ABCD3: variants seen among roughly 807,000 people sequenced by gnomAD.
ABCD3 encodes the protein ATP binding cassette subfamily D member 3.
In ABCD3, 41 loss-of-function variants were observed where a neutral mutation model predicts 105.5. The observed-to-expected ratio is 0.39, with a 90% CI of 0.30 to 0.50. The LOEUF (loss-of-function observed/expected upper bound fraction) is 0.50. ABCD3 is among the 20% of genes least tolerant of loss of function. The probability of loss-of-function intolerance (pLI) is 0.84; values close to 1 mark genes in which losing one functional copy is unlikely to be tolerated. For synonymous variants in ABCD3, 258 were observed against 269.0 expected (o/e 0.96, Z 0.40); for missense variants, 622 against 806.3 (o/e 0.77, Z 2.77).
rs767357363 is a variant in ABCD3 at position 94,515,983 on chromosome 1, G to A, written c.1902+781G>A. Among the ~76,000 whole-genome samples the A allele has an allele frequency of 5.3e-5, 8 of 151,982 alleles. No homozygotes were observed. In the East Asian group the frequency reaches 1.5e-3, roughly 29 times the overall value. ...AGGATTTGAGAAAAATTGGAATAAT[G>A]GTAAAGGTGCCTTGTTCCACAAAAT... is the stretch of plus-strand genomic sequence containing the variant. On this transcript the variant is annotated intron_variant, in intron 22 of 22. Coordinates refer to ENST00000370214, the MANE Select transcript of ABCD3 (RefSeq NM_002858.4).
At chr1:94,462,971 A>G (rs1647951038) in intron 2 of ABCD3, among the ~76,000 whole-genome samples, 1 of 152,184 alleles carries the variant, frequency 6.6e-6, no homozygotes, top group African/African-American at 2.4e-5. Flanking sequence ...GATTAGGTTG[A>G]ATGTGTAAGG....
the ABCD3 span, among the ~76,000 whole-genome samples, chr1:94,403,283 G>C: frequency 6.6e-6 from 1 of 152,124 alleles, no homozygotes; most frequent in Admixed American, 6.5e-5. Flanking sequence ...AGAGGCGTGA[G>C]ATATCCATCT....
intron 8 of ABCD3, 136 bp from the exon 9 acceptor site, chr1:94,480,328 A>T: frequency 9.5e-7 from 1 of 1,050,308 alleles, no homozygotes; most frequent in Non-Finnish European, 1.4e-6. Flanking sequence ...AAAAAAAACA[A>T]AGGGAAAAAA....
chr1:94,514,678 C>G, intron 21 of ABCD3: 1 of 160,940 alleles, frequency 6.2e-6, no homozygotes, highest in East Asian at 1.7e-4. Flanking sequence ...TCAGAACTCT[C>G]TGGGGGTGTT....
intron 20 of ABCD3, among the ~76,000 whole-genome samples, chr1:94,504,475 A>G (rs763478222): frequency 1.3e-5 from 2 of 152,172 alleles, no homozygotes; most frequent in Admixed American, 6.5e-5. Context: ...CTGAGATGAC[A>G]TTATAAGCAG....
intron 20 of ABCD3, among the ~76,000 whole-genome samples, chr1:94,501,842 T>A (rs1650113030): frequency 1.3e-5 from 2 of 151,856 alleles, no homozygotes; most frequent in Admixed American, 1.3e-4. Flanking sequence ...TGTTATAAAA[T>A]TTTTAGTGTT....
chr1:94,472,010 C>T (rs1480013022), intron 4 of ABCD3, among the ~76,000 whole-genome samples: 2 of 152,114 alleles, frequency 1.3e-5, no homozygotes, highest in African/African-American at 2.4e-5. Context: ...TACCTTGTTG[C>T]TGCTTTATCT....
At chr1:94,444,726 C>G (rs975452728) in intron 1 of ABCD3, among the ~76,000 whole-genome samples, 24 of 152,330 alleles carry the variant, frequency 1.6e-4, no homozygotes, top group Middle Eastern at 3.4e-3. Flanking sequence ...ACCCTCAGTT[C>G]TGTGGGTGGC....
At chr1:94,479,551 A>G (rs1391951054) in intron 8 of ABCD3, among the ~76,000 whole-genome samples, 1 of 152,144 alleles carries the variant, frequency 6.6e-6, no homozygotes, top group Non-Finnish European at 1.5e-5. Context: ...TAAAACAGGT[A>G]GATAGTCAAA....
chr1:94,505,371 ATTTT>A (rs71097204), intron 20 of ABCD3, among the ~76,000 whole-genome samples: 2 of 118,882 alleles, frequency 1.7e-5, no homozygotes, highest in Non-Finnish European at 3.5e-5. Context: ...TGCTTGGCTA[ATTTT>A]TTTTTTTTTT....
Position 94,418,805 on chromosome 1 carries a change from C to T in ABCD3, c.110+217C>T, listed in dbSNP as rs888512428. 25 of 577,018 alleles carry T rather than the reference C, an allele frequency of 4.3e-5. No homozygotes were observed. In the East Asian group the frequency reaches 7.5e-4, roughly 17 times the overall value. The allele number at this position is 577,018 out of a possible 1,614,324, so 35.7% of individuals were successfully genotyped here. A position where few individuals can be genotyped will look rare whatever the true frequency, so the allele number is the denominator to read the frequency against. On this transcript the variant is annotated intron_variant, in intron 1 of 22. Transcript: ENST00000370214. The stretch of plus-strand genomic sequence containing the variant: ...GGCCTGTCCGGCGACCTCGCTCCAC[C>T]CCGGGAGTGCGAATTCTTCTGTGCC...
At chr1:94,429,282 C>G (rs185630879) in intron 1 of ABCD3, among the ~76,000 whole-genome samples, 32 of 152,114 alleles carry the variant, frequency 2.1e-4, no homozygotes, top group African/African-American at 7.7e-4. Context: ...CATATAAGTT[C>G]AGAAAATTTG....
At chr1:94,510,645 C>T (rs1014175705) in intron 21 of ABCD3, among the ~76,000 whole-genome samples, 3 of 151,938 alleles carry the variant, frequency 2.0e-5, no homozygotes, top group African/African-American at 4.8e-5. Flanking sequence ...GTAGGTCGCT[C>T]AGGACTTGCT....
the ABCD3 span, among the ~76,000 whole-genome samples, chr1:94,400,498 G>C: frequency 6.6e-6 from 1 of 152,108 alleles, no homozygotes; most frequent in African/African-American, 2.4e-5. Context: ...AGAACCTCTG[G>C]AATTTGTGTA....
At chr1:94,457,547 C>T (rs1647636074) in intron 1 of ABCD3, among the ~76,000 whole-genome samples, 1 of 152,008 alleles carries the variant, frequency 6.6e-6, no homozygotes. Context: ...ATGTGAAATC[C>T]TGACAGCCCC....
At chr1:94,438,574 A>G (rs1003244849) in intron 1 of ABCD3, among the ~76,000 whole-genome samples, 2 of 152,042 alleles carry the variant, frequency 1.3e-5, no homozygotes, top group African/African-American at 4.8e-5. Flanking sequence ...GGCACAGAGA[A>G]CTCTTTTTGT....
At position 94,478,244 on chromosome 1, in the gene ABCD3, ATATT is replaced by A. The variant is rs370227803; in HGVS notation, c.628-9_628-6del. The A allele has an allele frequency of 6.7e-4, 995 of 1,481,856 alleles. 5 individuals carry two copies. Among genetic ancestry groups the A allele is most frequent in the Non-Finnish European group, 8.6e-4 (911 of 1,062,416 alleles). The allele number at this position is 1,481,856 out of a possible 1,614,324, so 91.8% of individuals were successfully genotyped here. A position where few individuals can be genotyped will look rare whatever the true frequency, so the allele number is the denominator to read the frequency against. On this transcript the variant is annotated splice_polypyrimidine_tract_variant and intron_variant, in intron 7 of 22. Coordinates refer to ENST00000370214, the MANE Select transcript of ABCD3 (RefSeq NM_002858.4). ...TTTAGTTTTAATTCTGTGTATTCTA[ATATT>A]TATTTTACAGCCATTTTTAGACATA...
rs139507691 is a variant in ABCD3, at chr1:94,487,601, T to C, written c.957T>C (p.Ile319=). The change falls in exon 11 of 23, where the codon ATT becomes ATC. Residue 319 remains isoleucine (I), a synonymous_variant. Transcript: ENST00000370214. The part of the protein sequence containing the change: ...FRFSMGFIDS[I]IAKYLATVVG... ...TTTCAATGGGCTTCATTGATAGTAT[T>C]ATTGCCAAATGTAAGTATATTTTGA... The C allele has an allele frequency of 2.6e-4, 421 of 1,613,664 alleles. 2 individuals are homozygous for C. The African/African-American group carries it at 4.8e-3, about 18-fold the overall frequency.
At position 94,487,471 on chromosome 1, in the gene ABCD3, T is replaced by C; in HGVS notation, c.898-71T>C. The C allele has an allele frequency of 3.7e-6, 5 of 1,343,914 alleles. No individual in the cohort carries two copies. The South Asian group carries it at 6.0e-5, about 16-fold the overall frequency. The allele number at this position is 1,343,914 out of a possible 1,614,324, so 83.2% of individuals were successfully genotyped here. Reference sequence around the variant, plus strand: ...TTGAATAAATGAACTATACAGTTTGTTTTATCCTTATAGTAGATTCAGTTT... The same window carrying C: ...TTGAATAAATGAACTATACAGTTTGCTTTATCCTTATAGTAGATTCAGTTT... On this transcript the variant is annotated intron_variant, in intron 10 of 22. Transcript: ENST00000370214.
Sources: allele counts gnomAD v4.1 joint callset (sites outside exome capture counted in the v4.1 genomes callset), GRCh38; gene constraint gnomAD v4.1.1; transcripts MANE v1.5; gene names NCBI Gene and HGNC (gene_info 2026-07-23, HGNC 2026-07-21).